The following IKZF1 variants were observed in gnomAD, a reference collection of about 807,000 sequenced individuals.
The protein encoded by IKZF1 is IKAROS family zinc finger 1, also known as DNA-binding protein Ikaros.
IKZF1 carries 10 observed loss-of-function variants against 51.7 expected under a neutral mutation model. The observed-to-expected ratio is 0.19, with a 90% CI of 0.12 to 0.33. The LOEUF (loss-of-function observed/expected upper bound fraction) is 0.33. IKZF1 is among the 10% of genes least tolerant of loss of function. The probability of loss-of-function intolerance (pLI) is 1.00; values close to 1 mark genes in which losing one functional copy is unlikely to be tolerated. For missense variants in IKZF1, 484 were observed against 707.5 expected, an observed-to-expected ratio of 0.68 and a Z score of 3.58; for synonymous variants, 280 against 282.3, an observed-to-expected ratio of 0.99 and a Z score of 0.08.
chr7:50,307,459 G>T (rs899195745), intron 1 of IKZF1, among the ~76,000 whole-genome samples: 2 of 152,164 alleles, frequency 1.3e-5, no homozygotes, highest in Non-Finnish European at 2.9e-5. Context: ...CAAGCACTCT[G>T]GGGGCACTGT....
At chr7:50,323,028 A>G (rs1793840091) in intron 2 of IKZF1, among the ~76,000 whole-genome samples, 1 of 152,200 alleles carries the variant, frequency 6.6e-6, no homozygotes, top group Admixed American at 6.5e-5. Context: ...AAACCTTTAG[A>G]TATATATAAT....
Position 50,400,054 on chromosome 7 carries a change from G to T in IKZF1, c.987G>T (p.Pro329=), listed in dbSNP as rs751817239. The change falls in exon 8 of 8, where the codon CCG becomes CCT. Residue 329 remains proline (P), a synonymous_variant. Coordinates refer to ENST00000331340, the MANE Select transcript of IKZF1 (RefSeq NM_006060.6). The surrounding 1 kb of genome is among the most constrained non-coding windows in gnomAD (Gnocchi z 5.4). ...INYLGAESLR[P]LVQTPPGGSE... ...ACCTGGGGGCCGAGTCCCTGCGCCC[G>T]CTGGTGCAGACGCCCCCGGGCGGTT... 5.0e-6 allele frequency: 8 copies of T among 1,606,586 alleles called. No homozygotes were observed. In the South Asian group the frequency reaches 5.6e-5, roughly 11 times the overall value.
At chr7:50,344,708 G>C (rs1198863825) in intron 3 of IKZF1, among the ~76,000 whole-genome samples, 1 of 152,144 alleles carries the variant, frequency 6.6e-6, no homozygotes, top group Non-Finnish European at 1.5e-5. Context: ...ACAATGCAGT[G>C]TTAAAAGTAG....
chr7:50,387,344 G>A lies in IKZF1; in HGVS notation c.590-1G>A. Reference sequence around the variant, plus strand: ...CTTGAACTCAATTGTGTTTTCTGCAGTTGGTAAACCTCACAAATGTGGATA... The same window carrying A: ...CTTGAACTCAATTGTGTTTTCTGCAATTGGTAAACCTCACAAATGTGGATA... On this transcript the variant is annotated splice_acceptor_variant, in intron 5 of 7. Transcript: ENST00000331340. LOFTEE classifies it high-confidence loss of function. 6.2e-7 allele frequency: 1 copy of A among 1,613,078 alleles called. No individual in the cohort carries two copies. The highest frequency in any genetic ancestry group is 8.5e-7 in the Non-Finnish European group (1 of 1,179,426).
intron 2 of IKZF1, among the ~76,000 whole-genome samples, chr7:50,324,045 T>C (rs767462339): frequency 2.0e-5 from 3 of 152,260 alleles, no homozygotes; most frequent in Non-Finnish European, 4.4e-5. Flanking sequence ...TGTGTTAGTA[T>C]TTGAGATGCC....
intron 3 of IKZF1, among the ~76,000 whole-genome samples, chr7:50,345,315 T>C (rs923734012): frequency 6.6e-6 from 1 of 152,194 alleles, no homozygotes; most frequent in African/African-American, 2.4e-5. Context: ...TTACTCAGAA[T>C]CATATTGTCT....
chr7:50,321,512 A>G (rs928635623), intron 2 of IKZF1, among the ~76,000 whole-genome samples: 2 of 152,222 alleles, frequency 1.3e-5, no homozygotes, highest in African/African-American at 4.8e-5. Flanking sequence ...AAAAATTTCC[A>G]GAGGCCAAAA....
At chr7:50,357,837 G>A (rs1282691470) in intron 3 of IKZF1, among the ~76,000 whole-genome samples, 1 of 152,190 alleles carries the variant, frequency 6.6e-6, no homozygotes, top group Non-Finnish European at 1.5e-5. Flanking sequence ...ATGGGCTTTG[G>A]AGTGCCTCGA....
At chr7:50,391,630 TC>T (rs1478250465) in intron 6 of IKZF1, 98 bp from the exon 7 acceptor site, 3 of 1,509,152 alleles carry the variant, frequency 2.0e-6, no homozygotes, top group Non-Finnish European at 2.7e-6. Context: ...AGGGCCTGGC[TC>T]TTGTAGGCAC....
intron 7 of IKZF1, among the ~76,000 whole-genome samples, chr7:50,393,088 C>T (rs892149224): frequency 1.3e-5 from 2 of 151,764 alleles, no homozygotes; most frequent in African/African-American, 4.8e-5. Flanking sequence ...ACAGCAAGTA[C>T]CAAAAAATGA....
At chr7:50,327,418 G>A (rs1795298068) in intron 2 of IKZF1, 4 of 423,080 alleles carry the variant, frequency 9.5e-6, no homozygotes, top group East Asian at 7.3e-5. Context: ...ATAGGTGATT[G>A]TATTTCTTCC....
intron 1 of IKZF1, among the ~76,000 whole-genome samples, chr7:50,313,135 T>A (rs1357863578): frequency 1.3e-5 from 2 of 152,254 alleles, no homozygotes; most frequent in African/African-American, 2.4e-5. Flanking sequence ...TTTCCTTTTT[T>A]AAAATACAGT....
At chr7:50,392,406 A>G (rs1220395712) in intron 7 of IKZF1, among the ~76,000 whole-genome samples, 1 of 152,144 alleles carries the variant, frequency 6.6e-6, no homozygotes, top group Non-Finnish European at 1.5e-5. Flanking sequence ...AAGAAGAAGA[A>G]GAACAAGACC....
intron 7 of IKZF1, among the ~76,000 whole-genome samples, chr7:50,393,628 C>T (rs560432223): frequency 6.6e-6 from 1 of 152,192 alleles, no homozygotes; most frequent in South Asian, 2.1e-4. Flanking sequence ...GAGTTGTCCA[C>T]ACACACATGA....
chr7:50,368,792 A>T (rs1807783249), intron 3 of IKZF1: 1 of 233,218 alleles, frequency 4.3e-6, no homozygotes, highest in Non-Finnish European at 8.5e-6. Flanking sequence ...ACAAGTTGAT[A>T]ATCCCCTTAG....
intron 7 of IKZF1, among the ~76,000 whole-genome samples, chr7:50,397,909 T>C (rs972940379): frequency 1.3e-5 from 2 of 152,152 alleles, no homozygotes; most frequent in Non-Finnish European, 2.9e-5. Context: ...CACCAGTAGA[T>C]GAAAACGAAT....
chr7:50,341,658 G>T (rs1799097468), intron 3 of IKZF1, among the ~76,000 whole-genome samples: 2 of 152,124 alleles, frequency 1.3e-5, no homozygotes, highest in South Asian at 2.1e-4. Context: ...CTGCATATTT[G>T]CTGGTCCATT....
At chr7:50,339,808 C>G (rs988458722) in intron 3 of IKZF1, among the ~76,000 whole-genome samples, 1 of 151,574 alleles carries the variant, frequency 6.6e-6, no homozygotes, top group African/African-American at 2.4e-5. Context: ...AGCTATTATG[C>G]TATTGCTGTT....
chr7:50,342,177 C>T (rs1275981074), intron 3 of IKZF1, among the ~76,000 whole-genome samples: 1 of 152,132 alleles, frequency 6.6e-6, no homozygotes, highest in Non-Finnish European at 1.5e-5. Context: ...TAGGTCCAGT[C>T]CAATTTTAAC....
Sources: allele counts gnomAD v4.1 joint callset (sites outside exome capture counted in the v4.1 genomes callset), GRCh38; gene constraint gnomAD v4.1.1; non-coding constraint Gnocchi (gnomAD v3.1); transcripts MANE v1.5; gene names NCBI Gene and HGNC (gene_info 2026-07-23, HGNC 2026-07-21).